Variants in JAK2 observed in about 807,000 individuals in gnomAD.
JAK2 encodes tyrosine-protein kinase JAK2.
Under a neutral mutation model 139.3 loss-of-function variants are expected in JAK2, and 86 were observed. The observed-to-expected ratio is 0.62, with a 90% CI of 0.52 to 0.74. The LOEUF (loss-of-function observed/expected upper bound fraction) is 0.74, where lower values mean the gene tolerates loss of function less well. JAK2 is among the 30% of genes least tolerant of loss of function. The pLI, the probability that JAK2 is intolerant of heterozygous loss-of-function variation, is 0.00. For synonymous variants in JAK2, 490 were observed against 437.7 expected, an observed-to-expected ratio of 1.12 and a Z score of -1.49; for missense variants, 1,421 against 1,360.3, an observed-to-expected ratio of 1.04 and a Z score of -0.70.
chr9:5,015,688 A>G (rs1822008115), intron 2 of JAK2, among the ~76,000 whole-genome samples: 1 of 152,164 alleles, frequency 6.6e-6, no homozygotes, highest in South Asian at 2.1e-4. Context: ...AGGAAAAGAA[A>G]AAAGCCAATT....
intron 18 of JAK2, 39 bp downstream of exon 18, chr9:5,080,722 T>C: frequency 3.5e-6 from 5 of 1,442,382 alleles, no homozygotes; most frequent in Non-Finnish European, 4.7e-6. Context: ...TCCAGCTTTC[T>C]ATCTTTATTG....
Position 5,112,435 on chromosome 9 carries a change from CAA to C in JAK2, c.3060-10568_3060-10567del, listed in dbSNP as rs368173263. The C allele has an allele frequency of 1.3e-3, 682 of 517,928 alleles. 7 individuals carry two copies. Among genetic ancestry groups the C allele is most frequent in the African/African-American group, 0.012 (612 of 50,172 alleles). The allele number at this position is 517,928 out of a possible 1,614,324, so 32.1% of individuals were successfully genotyped here. A position where few individuals can be genotyped will look rare whatever the true frequency, so the allele number is the denominator to read the frequency against. On this transcript the variant is annotated intron_variant, in intron 22 of 24. Coordinates refer to ENST00000381652, the MANE Select transcript of JAK2 (RefSeq NM_004972.4). ...GAGAACACGTCGGCGGCTGACCACT[CAA>C]GAGGAGAAGAAGGAGCTGAAGGACC...
chr9:5,072,615 A>G lies in JAK2; in HGVS notation c.1765A>G (p.Asn589Asp). The G allele has an allele frequency of 6.2e-7, 1 of 1,605,046 alleles. No homozygotes were observed. The highest frequency in any genetic ancestry group is 8.5e-7 in the Non-Finnish European group (1 of 1,175,014). The change falls in exon 13 of 25, where the codon AAC (asparagine) becomes GAC (aspartate). Residue 589 changes from asparagine to aspartate, a missense_variant. Coordinates refer to ENST00000381652, the MANE Select transcript of JAK2 (RefSeq NM_004972.4). ...AAAAGTTCTGGATAAAGCACACAGA[A>G]ACTATTCAGAGGTGTGTATGTTCTT... Reference protein sequence around the residue: ...LLKVLDKAHRNYSESFFEAAS... With the variant: ...LLKVLDKAHRDYSESFFEAAS...
chr9:5,027,663 T>C (rs1822865200), intron 3 of JAK2, among the ~76,000 whole-genome samples: 1 of 152,238 alleles, frequency 6.6e-6, no homozygotes, highest in South Asian at 2.1e-4. Context: ...AGGAAGTTGA[T>C]TCACTCAAAC....
At chr9:5,049,781 T>A (rs954298701) in intron 5 of JAK2, among the ~76,000 whole-genome samples, 1 of 152,250 alleles carries the variant, frequency 6.6e-6, no homozygotes, top group Non-Finnish European at 1.5e-5. Flanking sequence ...CAAACCTATA[T>A]GTTATAGCCT....
At chr9:5,108,369 C>G (rs1417674605) in intron 22 of JAK2, 3 of 152,082 alleles carry the variant, frequency 2.0e-5, no homozygotes, top group Non-Finnish European at 2.9e-5. Context: ...CTCATATTTC[C>G]TATTGTACAC....
chr9:5,072,235 A>G (rs559774417), intron 12 of JAK2, among the ~76,000 whole-genome samples: 18 of 152,162 alleles, frequency 1.2e-4, no homozygotes, highest in Non-Finnish European at 1.9e-4. Flanking sequence ...AGTGACAATT[A>G]TAGCCCATTC....
intron 8 of JAK2, among the ~76,000 whole-genome samples, chr9:5,060,660 A>G (rs913962878): frequency 2.0e-5 from 3 of 152,158 alleles, no homozygotes; most frequent in Admixed American, 6.6e-5. Flanking sequence ...GACTTCCTCC[A>G]TTGAAGTCGT....
intron 2 of JAK2, among the ~76,000 whole-genome samples, chr9:5,010,235 C>T (rs1258823607): frequency 6.6e-6 from 1 of 152,070 alleles, no homozygotes; most frequent in Non-Finnish European, 1.5e-5. Context: ...AATTTTACTC[C>T]TTTTAGCTAC....
At chr9:5,111,178 C>A in intron 22 of JAK2, 1 of 711,556 alleles carries the variant, frequency 1.4e-6, no homozygotes, top group South Asian at 1.5e-5. Flanking sequence ...CAGCCACTCT[C>A]CATTCACATT....
At chr9:5,110,843 G>C (rs181947477) in intron 22 of JAK2, 17 of 467,550 alleles carry the variant, frequency 3.6e-5, no homozygotes, top group African/African-American at 3.0e-4. Flanking sequence ...GGGGAAGGTG[G>C]GGGGGACGCT....
At chr9:5,102,552 A>C (rs1275215364) in intron 22 of JAK2, among the ~76,000 whole-genome samples, 2 of 152,188 alleles carry the variant, frequency 1.3e-5, no homozygotes, top group African/African-American at 4.8e-5. Flanking sequence ...CTCCACAAAG[A>C]TACTCCTCGA....
chr9:5,044,818 G>T (rs893248296), intron 5 of JAK2, among the ~76,000 whole-genome samples: 2 of 152,124 alleles, frequency 1.3e-5, no homozygotes, highest in Admixed American at 1.3e-4. Context: ...TTTACAACAT[G>T]ATTCATGTAG....
intron 9 of JAK2, among the ~76,000 whole-genome samples, chr9:5,065,903 A>G (rs1299249881): frequency 6.6e-6 from 1 of 152,202 alleles, no homozygotes; most frequent in Non-Finnish European, 1.5e-5. Flanking sequence ...GTCTATGCTT[A>G]ATATTTATTT....
intron 22 of JAK2, chr9:5,098,226 C>T (rs905514926): frequency 1.1e-4 from 16 of 152,138 alleles, no homozygotes; most frequent in Admixed American, 6.6e-5. Flanking sequence ...AATTAACTTC[C>T]AGAAACTGGT....
In JAK2 at chr9:5,129,642, T is replaced by TTAAAG. The variant is rs1209339954; in HGVS notation, c.*2854_*2858dup. ...TAAGCTTGATTTAAGAAAAAAACAA[T>TTAAAG]TAAAGTATGAATATCAGAAATACTG... On this transcript the variant is annotated 3_prime_UTR_variant, in exon 25 of 25. Transcript: ENST00000381652. Among the ~76,000 whole-genome samples the TTAAAG allele has an allele frequency of 6.6e-6, 1 of 152,128 alleles. No homozygotes were observed. The highest frequency in any genetic ancestry group is 1.9e-4 in the East Asian group (1 of 5,200).
intron 22 of JAK2, among the ~76,000 whole-genome samples, chr9:5,113,189 AGCTT>A: frequency 1.0e-5 from 1 of 100,100 alleles, no homozygotes; most frequent in African/African-American, 4.1e-5. Flanking sequence ...GGCTGGCAGG[AGCTT>A]TTTTTTTTTT....
chr9:5,052,134 G>C (rs779803730), intron 6 of JAK2, among the ~76,000 whole-genome samples: 1 of 152,102 alleles, frequency 6.6e-6, no homozygotes, highest in Non-Finnish European at 1.5e-5. Context: ...ACCCATTGAA[G>C]ATGAATGTTA....
intron 22 of JAK2, chr9:5,094,729 T>C (rs1221018594): frequency 1.3e-5 from 2 of 152,176 alleles, no homozygotes; most frequent in Non-Finnish European, 2.9e-5. Flanking sequence ...GCAAGTTCAT[T>C]TGCCCTCTTC....
Sources: allele counts gnomAD v4.1 joint callset (sites outside exome capture counted in the v4.1 genomes callset), GRCh38; gene constraint gnomAD v4.1.1; transcripts MANE v1.5; gene names NCBI Gene and HGNC (gene_info 2026-07-23, HGNC 2026-07-21).